The following PRKD1 variants were observed in gnomAD, a reference collection of about 807,000 sequenced individuals.
PRKD1 encodes the protein serine/threonine-protein kinase D1.
In PRKD1, 63 loss-of-function variants were observed where a neutral mutation model predicts 95.9. That is an observed-to-expected ratio of 0.66 (90% CI 0.54 to 0.81). The LOEUF (loss-of-function observed/expected upper bound fraction) is 0.81. Among genes scored for constraint, PRKD1 ranks in the 30% least tolerant of loss-of-function variants. The probability of loss-of-function intolerance (pLI) is 0.00; values close to 1 mark genes in which losing one functional copy is unlikely to be tolerated. For synonymous variants in PRKD1, 425 were observed against 423.1 expected (o/e 1.00, Z -0.05); for missense variants, 1,048 against 1,165.3 (o/e 0.90, Z 1.47).
At chr14:29,913,315 T>C (rs1301946362) in intron 1 of PRKD1, among the ~76,000 whole-genome samples, 1 of 152,198 alleles carries the variant, frequency 6.6e-6, no homozygotes, top group Non-Finnish European at 1.5e-5. Flanking sequence ...CAAAAGGTAA[T>C]AAAATGTGTG....
Position 29,577,475 on chromosome 14 carries a change from A to G in PRKD1, c.2521-19T>C. 1 of 1,598,404 alleles carries G rather than the reference A, an allele frequency of 6.3e-7. No homozygotes were observed. The highest frequency in any genetic ancestry group is 8.6e-7 in the Non-Finnish European group (1 of 1,166,202). On this transcript the variant is annotated intron_variant, in intron 17 of 17. Coordinates refer to ENST00000331968, the MANE Select transcript of PRKD1 (RefSeq NM_002742.3). ...GATAGTCCTGAAGAAGAAATTCCAAAATATTACCATAGAGATCATTACAAC... is the reference window on the plus strand; with the variant it reads ...GATAGTCCTGAAGAAGAAATTCCAAGATATTACCATAGAGATCATTACAAC...
chr14:29,679,889 G>A (rs920450686), intron 2 of PRKD1, among the ~76,000 whole-genome samples: 1 of 151,924 alleles, frequency 6.6e-6, no homozygotes, highest in Non-Finnish European at 1.5e-5. Flanking sequence ...CACCACACCT[G>A]GCTAATTTTT....
At chr14:29,847,537 C>G (rs1892128754) in intron 1 of PRKD1, among the ~76,000 whole-genome samples, 1 of 151,770 alleles carries the variant, frequency 6.6e-6, no homozygotes, top group Non-Finnish European at 1.5e-5. Context: ...AGTGCAAAAA[C>G]AAAATTAAAA....
intron 1 of PRKD1, among the ~76,000 whole-genome samples, chr14:29,816,029 C>G (rs757982960): frequency 1.3e-5 from 2 of 152,080 alleles, no homozygotes; most frequent in African/African-American, 4.8e-5. Flanking sequence ...ACCATCCTGG[C>G]CAACATGGTG....
chr14:29,643,019 A>G lies in PRKD1; in HGVS notation c.697-4115T>C, dbSNP rs1880892655. On this transcript the variant is annotated intron_variant, in intron 4 of 17. Transcript: ENST00000331968. ...AGAGAAAAAAATGGCTCAAAACTTA[A>G]AGAGCACATTTAAAATTTCGTTTTT... 3.3e-5 allele frequency among the ~76,000 whole-genome samples: 5 copies of G among 152,226 alleles called. No homozygotes were observed. The South Asian group carries it at 1.0e-3, about 32-fold the overall frequency.
chr14:29,776,365 C>T (rs968228659), intron 1 of PRKD1, among the ~76,000 whole-genome samples: 6 of 152,196 alleles, frequency 3.9e-5, no homozygotes, highest in Non-Finnish European at 5.9e-5. Context: ...GGAGGATGTT[C>T]GAACCCATCA....
intron 9 of PRKD1, among the ~76,000 whole-genome samples, chr14:29,632,071 GATTACAGGC>G (rs1880045556): frequency 6.6e-6 from 1 of 152,090 alleles, no homozygotes. Context: ...AAAGTGCTGG[GATTACAGGC>G]ATGAGCCACT....
chr14:29,749,950 A>T (rs770960937), intron 1 of PRKD1, among the ~76,000 whole-genome samples: 1 of 152,232 alleles, frequency 6.6e-6, no homozygotes, highest in Non-Finnish European at 1.5e-5. Context: ...CAAAAACGTT[A>T]GAAAAATGTG....
chr14:29,669,592 G>A (rs553729507), intron 2 of PRKD1, among the ~76,000 whole-genome samples: 8 of 152,334 alleles, frequency 5.3e-5, no homozygotes, highest in African/African-American at 1.7e-4. Context: ...TATTGGCTGG[G>A]CATAGTGGCT....
chr14:29,663,856 C>T lies in PRKD1; in HGVS notation c.539G>A (p.Cys180Tyr). 6.2e-7 allele frequency: 1 copy of T among 1,613,094 alleles called. No homozygotes were observed. The highest frequency in any genetic ancestry group is 8.5e-7 in the Non-Finnish European group (1 of 1,179,206). ...ACATCTCTTATGGTAATTCAGACCA[C>T]ACCCTGGAAAGGGAAAATAAAAATT... The part of the protein sequence containing the change: ...LVRQGLKCEG[C>Y]GLNYHKRCAF... The change falls in exon 4 of 18, where the codon TGT (cysteine) becomes TAT (tyrosine). Residue 180 changes from cysteine (C) to tyrosine (Y), a missense_variant. Coordinates refer to ENST00000331968, the MANE Select transcript of PRKD1 (RefSeq NM_002742.3).
intron 1 of PRKD1, among the ~76,000 whole-genome samples, chr14:29,866,313 T>C (rs891182895): frequency 2.0e-5 from 3 of 152,182 alleles, no homozygotes; most frequent in Non-Finnish European, 2.9e-5. Flanking sequence ...AGCAGTCAAA[T>C]GGTTAATTTC....
At chr14:29,783,992 C>T (rs1170370032) in intron 1 of PRKD1, among the ~76,000 whole-genome samples, 1 of 151,514 alleles carries the variant, frequency 6.6e-6, no homozygotes, top group Non-Finnish European at 1.5e-5. Flanking sequence ...AGTTTGTCTA[C>T]TTTTGTTTTT....
intron 2 of PRKD1, among the ~76,000 whole-genome samples, chr14:29,693,642 C>A (rs868743815): frequency 0.036 from 3,481 of 96,636 alleles, 150 homozygotes; most frequent in African/African-American, 0.18. Context: ...AAAAAAAAAA[C>A]AACAACAACA....
chr14:29,614,877 T>A (rs1878742204), intron 13 of PRKD1, among the ~76,000 whole-genome samples: 1 of 139,094 alleles, frequency 7.2e-6, no homozygotes, highest in African/African-American at 2.6e-5. Context: ...TTTTTTTTTT[T>A]TTTTTTGTAT....
At chr14:29,802,131 G>A (rs1161300969) in intron 1 of PRKD1, among the ~76,000 whole-genome samples, 1 of 151,532 alleles carries the variant, frequency 6.6e-6, no homozygotes, top group Non-Finnish European at 1.5e-5. Flanking sequence ...GAGGGAAGGA[G>A]AGAATTAATA....
chr14:29,846,117 T>G (rs1382597586), intron 1 of PRKD1, among the ~76,000 whole-genome samples: 2 of 152,218 alleles, frequency 1.3e-5, no homozygotes, highest in Non-Finnish European at 2.9e-5. Flanking sequence ...CTGCTCATAT[T>G]TATTCATTCA....
chr14:29,836,456 G>A (rs1030487636), intron 1 of PRKD1, among the ~76,000 whole-genome samples: 2 of 152,132 alleles, frequency 1.3e-5, no homozygotes, highest in African/African-American at 2.4e-5. Flanking sequence ...TTGTAGGTGG[G>A]GTGCTCCTGA....
At chr14:29,597,955 G>A (rs192960146) in intron 15 of PRKD1, among the ~76,000 whole-genome samples, 197 bp from the exon 16 acceptor site, 1 of 152,248 alleles carries the variant, frequency 6.6e-6, no homozygotes, top group East Asian at 1.9e-4. Context: ...ACAAAAGTAT[G>A]TTTTCATTCA....
At chr14:29,732,201 A>G (rs1886475011) in intron 1 of PRKD1, among the ~76,000 whole-genome samples, 1 of 152,030 alleles carries the variant, frequency 6.6e-6, no homozygotes, top group East Asian at 1.9e-4. Context: ...AGTTGTTTCT[A>G]TCATTTATAT....
Sources: allele counts gnomAD v4.1 joint callset (sites outside exome capture counted in the v4.1 genomes callset), GRCh38; gene constraint gnomAD v4.1.1; transcripts MANE v1.5; gene names NCBI Gene and HGNC (gene_info 2026-07-23, HGNC 2026-07-21).